RAP1GAP: variants seen among roughly 807,000 people sequenced by gnomAD.
The protein encoded by RAP1GAP is RAP1 GTPase activating protein, also known as rap1 GTPase-activating protein 1.
RAP1GAP carries 35 observed loss-of-function variants against 87.2 expected under a neutral mutation model. That is an observed-to-expected ratio of 0.40 (90% CI 0.31 to 0.53). The LOEUF is 0.53. RAP1GAP is among the 20% of genes least tolerant of loss of function. The pLI, the probability that RAP1GAP is intolerant of heterozygous loss-of-function variation, is 0.48. For missense variants in RAP1GAP, 734 were observed against 898.9 expected, an observed-to-expected ratio of 0.82 and a Z score of 2.35; for synonymous variants, 375 against 363.9, an observed-to-expected ratio of 1.03 and a Z score of -0.35.
intron 2 of RAP1GAP, among the ~76,000 whole-genome samples, chr1:21,643,234 A>G (rs1407687989): frequency 1.3e-5 from 2 of 152,216 alleles, no homozygotes; most frequent in Non-Finnish European, 2.9e-5. Context: ...TCCTGAACTC[A>G]GAAGGCCTTT....
chr1:21,599,989 C>T (rs1253333301), intron 20 of RAP1GAP, among the ~76,000 whole-genome samples: 1 of 152,176 alleles, frequency 6.6e-6, no homozygotes, highest in Non-Finnish European at 1.5e-5. Flanking sequence ...CGTGCCTTTA[C>T]CTGAATTATC....
chr1:21,662,611 C>T (rs965305459), intron 1 of RAP1GAP, among the ~76,000 whole-genome samples: 7 of 152,138 alleles, frequency 4.6e-5, no homozygotes, highest in Non-Finnish European at 8.8e-5. Flanking sequence ...TTCAGGGCCA[C>T]GTCCTGCAGG....
chr1:21,656,417 TAAAAAAAAAAAAAAA>T (rs71661339), intron 1 of RAP1GAP, among the ~76,000 whole-genome samples: 7 of 96,178 alleles, frequency 7.3e-5, no homozygotes, highest in African/African-American at 1.3e-4. Flanking sequence ...AGACTCCATC[TAAAAAAAAAAAAAAA>T]AAAAAAAAAA....
chr1:21,631,868 G>A (rs1481850024), intron 2 of RAP1GAP, among the ~76,000 whole-genome samples: 1 of 151,152 alleles, frequency 6.6e-6, no homozygotes, highest in African/African-American at 2.5e-5. Context: ...GCATCCCACT[G>A]TCCTCAGCCC....
At position 21,649,754 on chromosome 1, in the gene RAP1GAP, T is replaced by C; in HGVS notation, c.-113+7A>G. The C allele has an allele frequency of 1.3e-6, 2 of 1,552,304 alleles. No homozygotes were observed. The highest frequency in any genetic ancestry group is 1.4e-5 in the African/African-American group (1 of 73,074). On this transcript the variant is annotated splice_region_variant and intron_variant, in intron 2 of 24. Coordinates refer to ENST00000374765, the MANE Select transcript of RAP1GAP (RefSeq NM_002885.4). Reference sequence around the variant, plus strand: ...CCCAGGCCCTCCTGAGAGTCCCCAGTACTCACCACACACTCCGGCGAGAAG... The same window carrying C: ...CCCAGGCCCTCCTGAGAGTCCCCAGCACTCACCACACACTCCGGCGAGAAG...
intron 2 of RAP1GAP, among the ~76,000 whole-genome samples, chr1:21,635,609 C>T (rs1009355487): frequency 1.3e-5 from 2 of 152,218 alleles, no homozygotes; most frequent in Non-Finnish European, 2.9e-5. Context: ...CCTTTCCTCC[C>T]GCTCTGCACC....
chr1:21,611,414 G>A (rs1681268), intron 13 of RAP1GAP, 38 bp downstream of exon 13: 4 of 1,590,964 alleles, frequency 2.5e-6, no homozygotes, highest in Non-Finnish European at 3.4e-6. Flanking sequence ...GGGGAGGACA[G>A]GTGGAAGACA....
chr1:21,630,825 A>G (rs2093588726), intron 2 of RAP1GAP, among the ~76,000 whole-genome samples: 1 of 152,112 alleles, frequency 6.6e-6, no homozygotes, highest in African/African-American at 2.4e-5. Flanking sequence ...CCAAAGCACT[A>G]GGATTACAGG....
chr1:21,597,828 C>G (rs759533862), intron 23 of RAP1GAP, 100 bp from the exon 24 acceptor site: 95 of 1,536,684 alleles, frequency 6.2e-5, no homozygotes, highest in Non-Finnish European at 8.2e-5. Context: ...CCAGGCCGGG[C>G]AAGCCCCACC....
At chr1:21,643,863 T>C (rs1571236184) in intron 2 of RAP1GAP, among the ~76,000 whole-genome samples, 2 of 152,272 alleles carry the variant, frequency 1.3e-5, no homozygotes, top group African/African-American at 4.8e-5. Flanking sequence ...AACTGGGTAT[T>C]TGAACTCAGG....
chr1:21,608,910 C>A lies in RAP1GAP; in HGVS notation c.1098G>T (p.Leu366=). ...CATATTCAGCATTGATCAGCTTTGT[C>A]AGCAAAAATTCCTGGAACTCAGGCC... The part of the protein sequence containing the change: ...RKGPEFQEFL[L]TKLINAEYAC... The change falls in exon 16 of 25, where the codon CTG becomes CTT. Residue 366 remains leucine (L), a synonymous_variant. Transcript: ENST00000374765. The A allele has an allele frequency of 6.2e-7, 1 of 1,614,082 alleles. No homozygotes were observed. Among genetic ancestry groups the A allele is most frequent in the South Asian group, 1.1e-5 (1 of 91,048 alleles).
intron 1 of RAP1GAP, among the ~76,000 whole-genome samples, chr1:21,655,489 G>A (rs2096824974): frequency 6.6e-6 from 1 of 152,188 alleles, no homozygotes; most frequent in Admixed American, 6.5e-5. Context: ...CCATGACACT[G>A]GCCTCACTGG....
chr1:21,637,565 G>A (rs1031861325), intron 2 of RAP1GAP, among the ~76,000 whole-genome samples: 2 of 151,910 alleles, frequency 1.3e-5, no homozygotes, highest in African/African-American at 4.8e-5. Flanking sequence ...CCATTTCTAG[G>A]CATTTATTCT....
intron 1 of RAP1GAP, among the ~76,000 whole-genome samples, chr1:21,656,458 C>A: frequency 2.0e-5 from 3 of 147,338 alleles, no homozygotes; most frequent in Admixed American, 6.7e-5. Flanking sequence ...AAAAAAAGAC[C>A]TAACAACGGA....
chr1:21,627,005 T>A, intron 2 of RAP1GAP: 2 of 456,706 alleles, frequency 4.4e-6, no homozygotes, highest in South Asian at 1.5e-5. Context: ...AGCATCTGCA[T>A]GAGACCTGCC....
At chr1:21,657,751 G>C (rs940151145) in intron 1 of RAP1GAP, among the ~76,000 whole-genome samples, 1 of 152,224 alleles carries the variant, frequency 6.6e-6, no homozygotes, top group Non-Finnish European at 1.5e-5. Context: ...CCTGCCTGTG[G>C]CCCCAGCTCT....
chr1:21,601,344 G>GCC (rs372675943), intron 20 of RAP1GAP, among the ~76,000 whole-genome samples: 19 of 152,070 alleles, frequency 1.2e-4, no homozygotes, highest in African/African-American at 4.3e-4. Flanking sequence ...AAACACCTCT[G>GCC]CCCCCAGTCC....
chr1:21,650,347 T>C (rs1477725451), intron 1 of RAP1GAP, among the ~76,000 whole-genome samples: 1 of 151,998 alleles, frequency 6.6e-6, no homozygotes, highest in South Asian at 2.1e-4. Flanking sequence ...CCAACACACG[T>C]ACCCTGCTCC....
At chr1:21,623,559 T>C in intron 3 of RAP1GAP, among the ~76,000 whole-genome samples, 1 of 152,156 alleles carries the variant, frequency 6.6e-6, no homozygotes, top group Admixed American at 6.5e-5. Flanking sequence ...GAGCTGCCAG[T>C]GGCTGCCCAC....
Sources: allele counts gnomAD v4.1 joint callset (sites outside exome capture counted in the v4.1 genomes callset), GRCh38; gene constraint gnomAD v4.1.1; transcripts MANE v1.5; gene names NCBI Gene and HGNC (gene_info 2026-07-23, HGNC 2026-07-21).